The following PRTG variants were observed in gnomAD, a reference collection of about 807,000 sequenced individuals.
The protein encoded by PRTG is protogenin, also known as immunoglobulin superfamily, DCC subclass, member 5.
PRTG carries 67 observed loss-of-function variants against 122.5 expected under a neutral mutation model. That is an observed-to-expected ratio of 0.55 (90% CI 0.45 to 0.67). The LOEUF (loss-of-function observed/expected upper bound fraction) is 0.67, where lower values mean the gene tolerates loss of function less well. Ranked by LOEUF, PRTG falls within the 30% of genes least tolerant of loss-of-function variation. PRTG has a pLI of 0.00. For synonymous variants in PRTG, 554 were observed against 501.1 expected (o/e 1.11, Z -1.41); for missense variants, 1,435 against 1,415.4 (o/e 1.01, Z -0.22).
intron 12 of PRTG, among the ~76,000 whole-genome samples, 156 bp downstream of exon 12, chr15:55,640,957 A>G (rs1207761332): frequency 6.6e-6 from 1 of 152,040 alleles, no homozygotes; most frequent in Non-Finnish European, 1.5e-5. Flanking sequence ...GGCAACAAAC[A>G]AACAAACAAA....
Position 55,615,416 on chromosome 15 carries a change from A to C in PRTG, c.*4596T>G, listed in dbSNP as rs1326579327. 1 of 152,108 alleles carries C rather than the reference A, an allele frequency of 6.6e-6. No individual in the cohort carries two copies. The highest frequency in any genetic ancestry group is 2.4e-5 in the African/African-American group (1 of 41,442). The allele number at this position is 152,108 out of a possible 1,614,324, so 9.4% of individuals were successfully genotyped here. A position where few individuals can be genotyped will look rare whatever the true frequency, so the allele number is the denominator to read the frequency against. On this transcript the variant is annotated 3_prime_UTR_variant, in exon 20 of 20. Coordinates refer to ENST00000389286, the MANE Select transcript of PRTG (RefSeq NM_173814.6). The stretch of plus-strand genomic sequence containing the variant: ...ACACCATCAACGGCTTAAAAAGGGA[A>C]ATTGAGAAGATTAAAGCCTGAAACA...
chr15:55,653,138 T>C (rs1479690133), intron 11 of PRTG, among the ~76,000 whole-genome samples: 1 of 152,184 alleles, frequency 6.6e-6, no homozygotes, highest in Non-Finnish European at 1.5e-5. Flanking sequence ...ATTTGTTGTA[T>C]GATAATATAT....
rs973197417 is a variant in PRTG at position 55,728,030 on chromosome 15, A to G, written c.397+12352T>C. Among the ~76,000 whole-genome samples, 16 of 152,124 alleles carry G rather than the reference A, an allele frequency of 1.1e-4. No individual in the cohort carries two copies. In the East Asian group the frequency reaches 1.4e-3, roughly 13 times the overall value. On this transcript the variant is annotated intron_variant, in intron 2 of 19. Coordinates refer to ENST00000389286, the MANE Select transcript of PRTG (RefSeq NM_173814.6). The stretch of plus-strand genomic sequence containing the variant: ...TAGGTGTGTCCCACCATGCCCAGCT[A>G]ATTTTTTGTGTTTTTAGTAGAGACG...
chr15:55,646,399 T>A (rs1203030175), intron 11 of PRTG, among the ~76,000 whole-genome samples: 1 of 151,572 alleles, frequency 6.6e-6, no homozygotes, highest in Non-Finnish European at 1.5e-5. Flanking sequence ...CTCAGCTCAC[T>A]GCAAGCTCCG....
rs1244412809 is a variant in PRTG at position 55,615,192 on chromosome 15, C to T, written c.*4820G>A. 2 of 151,878 alleles carry T rather than the reference C, an allele frequency of 1.3e-5. No homozygotes were observed. Among genetic ancestry groups the T allele is most frequent in the African/African-American group, 4.8e-5 (2 of 41,368 alleles). 9.4% of individuals were successfully genotyped at this position (151,878 alleles called of 1,614,324 possible). ...AACTAGAAAAGGAAATAGATTTTTC[C>T]CTAAAGCCTCAAAAAGAAACAGCCC... On this transcript the variant is annotated 3_prime_UTR_variant, in exon 20 of 20. Coordinates refer to ENST00000389286, the MANE Select transcript of PRTG (RefSeq NM_173814.6).
rs2030925346 is a variant in PRTG at position 55,723,817 on chromosome 15, T to C, written c.397+16565A>G. ...CCCAGGCTGGAGTGCAATGGTGCAA[T>C]CTCAGCTCACTGCAACCTCCACCTC... On this transcript the variant is annotated intron_variant, in intron 2 of 19. Coordinates refer to ENST00000389286, the MANE Select transcript of PRTG (RefSeq NM_173814.6). Among the ~76,000 whole-genome samples, 3 of 142,624 alleles carry C rather than the reference T, an allele frequency of 2.1e-5. No individual in the cohort carries two copies. The South Asian group carries it at 6.7e-4, about 32-fold the overall frequency. The allele number at this position is 142,624 out of a possible 152,430, so 93.6% of individuals were successfully genotyped here. A position where few individuals can be genotyped will look rare whatever the true frequency, so the allele number is the denominator to read the frequency against.
chr15:55,629,819 ATTT>A (rs563897634), intron 15 of PRTG, among the ~76,000 whole-genome samples: 4 of 140,032 alleles, frequency 2.9e-5, no homozygotes, highest in Non-Finnish European at 4.7e-5. Flanking sequence ...TACTGGTCTA[ATTT>A]TTTTTTTTTT....
chr15:55,650,148 G>C (rs2059345824), intron 11 of PRTG, among the ~76,000 whole-genome samples: 2 of 152,130 alleles, frequency 1.3e-5, no homozygotes, highest in South Asian at 4.1e-4. Context: ...GCTCAGTCTG[G>C]TGGAGTTCAG....
At chr15:55,710,015 T>G (rs1293424616) in intron 2 of PRTG, among the ~76,000 whole-genome samples, 1 of 152,130 alleles carries the variant, frequency 6.6e-6, no homozygotes, top group Non-Finnish European at 1.5e-5. Flanking sequence ...CTCAATAACA[T>G]TTTTTAAATC....
intron 2 of PRTG, among the ~76,000 whole-genome samples, chr15:55,694,293 A>T (rs1284984334): frequency 6.6e-6 from 1 of 152,188 alleles, no homozygotes; most frequent in African/African-American, 2.4e-5. Flanking sequence ...ATATGCCGCT[A>T]TGGGGCACAG....
chr15:55,645,355 A>G (rs1004872048), intron 11 of PRTG, among the ~76,000 whole-genome samples: 1 of 136,260 alleles, frequency 7.3e-6, no homozygotes, highest in Admixed American at 8.1e-5. Context: ...AATGGCGTGA[A>G]CCCGGGAGGC....
chr15:55,636,201 T>TA (rs1451414773), intron 15 of PRTG, among the ~76,000 whole-genome samples: 9 of 151,338 alleles, frequency 5.9e-5, no homozygotes, highest in Admixed American at 1.3e-4. Context: ...TTTTCTCAAC[T>TA]AAAAAAAAAT....
At chr15:55,725,731 T>C (rs2031006693) in intron 2 of PRTG, among the ~76,000 whole-genome samples, 1 of 152,152 alleles carries the variant, frequency 6.6e-6, no homozygotes, top group South Asian at 2.1e-4. Flanking sequence ...AATGGATTTT[T>C]AAAAACTCAT....
intron 2 of PRTG, among the ~76,000 whole-genome samples, chr15:55,724,525 C>T (rs949078359): frequency 6.6e-6 from 1 of 151,994 alleles, no homozygotes; most frequent in African/African-American, 2.4e-5. Flanking sequence ...CCAGCATGGG[C>T]ATACCTCTTG....
chr15:55,638,768 G>T, intron 13 of PRTG, 92 bp from the exon 14 acceptor site: 1 of 1,110,990 alleles, frequency 9.0e-7, no homozygotes, highest in Non-Finnish European at 1.3e-6. Context: ...AGGGCATAAT[G>T]TTATTTTTCA....
chr15:55,714,871 AT>A (rs1207301319), intron 2 of PRTG, among the ~76,000 whole-genome samples: 2 of 152,142 alleles, frequency 1.3e-5, no homozygotes, highest in African/African-American at 4.8e-5. Flanking sequence ...ATGAAGTCAA[AT>A]GGTAATCCCA....
chr15:55,627,367 C>G (rs1343532425), intron 16 of PRTG, among the ~76,000 whole-genome samples: 2 of 148,640 alleles, frequency 1.3e-5, no homozygotes, highest in Admixed American at 6.8e-5. Flanking sequence ...GCTCTGTTGC[C>G]CAGGCTAGTG....
chr15:55,629,361 A>G lies in PRTG; in HGVS notation c.2624-357T>C, dbSNP rs749912926. Reference sequence around the variant, plus strand: ...AGTACACATTTTTGTTTGGCTTTGTATATATATATATATATGTGTGTGTGT... The same window carrying G: ...AGTACACATTTTTGTTTGGCTTTGTGTATATATATATATATGTGTGTGTGT... On this transcript the variant is annotated intron_variant, in intron 15 of 19. Coordinates refer to ENST00000389286, the MANE Select transcript of PRTG (RefSeq NM_173814.6). Among the ~76,000 whole-genome samples, 48 of 57,268 alleles carry G rather than the reference A, an allele frequency of 8.4e-4. 1 individual carries two copies. The highest frequency in any genetic ancestry group is 1.8e-3 in the Admixed American group (9 of 4,998). The allele number at this position is 57,268 out of a possible 152,430, so 37.6% of individuals were successfully genotyped here. A position where few individuals can be genotyped will look rare whatever the true frequency, so the allele number is the denominator to read the frequency against.
rs367733283 is a variant in PRTG at position 55,627,023 on chromosome 15, T to C, written c.2912A>G (p.Tyr971Cys). 4 of 1,607,314 alleles carry C rather than the reference T, an allele frequency of 2.5e-6. No homozygotes were observed. Among genetic ancestry groups the C allele is most frequent in the African/African-American group, 2.7e-5 (2 of 74,540 alleles). ...CILICVLILIYRSKARKSSAS... is the reference protein window; with the variant it reads ...CILICVLILICRSKARKSSAS... ...GGAAACACACCTGGCTTTACTTCGG[T>C]ATATCAAGATGAGAACACAGATGAG... Residue 971 changes from tyrosine (Y) to cysteine (C), a missense_variant, in exon 17 of 20, where the codon TAC (tyrosine) becomes TGC (cysteine). Coordinates refer to ENST00000389286, the MANE Select transcript of PRTG (RefSeq NM_173814.6).
Sources: allele counts gnomAD v4.1 joint callset (sites outside exome capture counted in the v4.1 genomes callset), GRCh38; gene constraint gnomAD v4.1.1; transcripts MANE v1.5; gene names NCBI Gene and HGNC (gene_info 2026-07-23, HGNC 2026-07-21).